CACNA2D1: variants seen among roughly 807,000 people sequenced by gnomAD.
The protein encoded by CACNA2D1 is voltage-dependent calcium channel subunit alpha-2/delta-1.
Under a neutral mutation model 171.5 loss-of-function variants are expected in CACNA2D1, and 53 were observed. The observed-to-expected ratio is 0.31, with a 90% CI of 0.25 to 0.39. The LOEUF is 0.39. Among genes scored for constraint, CACNA2D1 ranks in the 10% least tolerant of loss-of-function variants. The pLI is 1.00. For synonymous variants in CACNA2D1, 442 were observed against 443.1 expected (o/e 1.00, Z 0.03); for missense variants, 903 against 1,299.8 (o/e 0.69, Z 4.69).
intron 6 of CACNA2D1, among the ~76,000 whole-genome samples, chr7:82,098,996 T>G (rs1029691457): frequency 2.6e-5 from 4 of 152,222 alleles, no homozygotes; most frequent in African/African-American, 9.6e-5. Context: ...TTTAAACCAG[T>G]AGTTACTCTG....
intron 3 of CACNA2D1, among the ~76,000 whole-genome samples, chr7:82,290,699 C>A (rs897686351): frequency 4.0e-5 from 6 of 151,320 alleles, no homozygotes; most frequent in Non-Finnish European, 8.8e-5. Context: ...TAGGTTTAAG[C>A]GATGCTCATG....
chr7:81,962,413 A>C lies in CACNA2D1; in HGVS notation c.2836+27T>G, dbSNP rs1487435322. The C allele has an allele frequency of 2.6e-6, 4 of 1,554,498 alleles. No homozygotes were observed. The Admixed American group carries it at 5.1e-5, about 20-fold the overall frequency. ...AAAAGAAAATTTTTATTGTTATGGC[A>C]ATGACAAGGTCTGAGCATTTACATA... On this transcript the variant is annotated intron_variant, in intron 35 of 38. Coordinates refer to ENST00000356860, the MANE Select transcript of CACNA2D1 (RefSeq NM_000722.4).
At chr7:82,223,673 G>GT (rs1456810884) in intron 3 of CACNA2D1, among the ~76,000 whole-genome samples, 4 of 152,124 alleles carry the variant, frequency 2.6e-5, no homozygotes, top group African/African-American at 9.7e-5. Flanking sequence ...CTTTTGTGTT[G>GT]TTTTTTACAT....
intron 2 of CACNA2D1, among the ~76,000 whole-genome samples, chr7:82,336,963 T>C (rs1039091913): frequency 2.0e-4 from 30 of 152,162 alleles, no homozygotes; most frequent in Admixed American, 1.7e-3. Flanking sequence ...AGATGTGCAA[T>C]CTATACTTCA....
At chr7:82,323,530 G>C (rs1225942930) in intron 3 of CACNA2D1, among the ~76,000 whole-genome samples, 3 of 152,136 alleles carry the variant, frequency 2.0e-5, no homozygotes, top group African/African-American at 7.2e-5. Flanking sequence ...GACTGACTCA[G>C]TGAGGACTCC....
At chr7:82,051,289 C>T (rs867657647) in intron 10 of CACNA2D1, among the ~76,000 whole-genome samples, 1 of 152,146 alleles carries the variant, frequency 6.6e-6, no homozygotes, top group Non-Finnish European at 1.5e-5. Flanking sequence ...GGCTCACCTT[C>T]CTTTCCAGCC....
At chr7:82,036,292 A>G (rs1005598106) in intron 11 of CACNA2D1, among the ~76,000 whole-genome samples, 5 of 152,138 alleles carry the variant, frequency 3.3e-5, no homozygotes, top group African/African-American at 1.2e-4. Context: ...CTTTGCCCCT[A>G]AACACTTCCT....
chr7:82,382,558 G>A lies in CACNA2D1; in HGVS notation c.96-32909C>T, dbSNP rs563095811. ...ATTCACAGAGACTATTCAGAGAACT[G>A]CTAGGGGAGGGGAGTGGGCAGTGGG... On this transcript the variant is annotated intron_variant, in intron 1 of 38. Coordinates refer to ENST00000356860, the MANE Select transcript of CACNA2D1 (RefSeq NM_000722.4). Among the ~76,000 whole-genome samples the A allele has an allele frequency of 2.0e-5, 3 of 152,210 alleles. No homozygotes were observed. In the East Asian group the frequency reaches 5.8e-4, roughly 29 times the overall value.
At chr7:82,281,532 C>T (rs1206564226) in intron 3 of CACNA2D1, among the ~76,000 whole-genome samples, 1 of 152,156 alleles carries the variant, frequency 6.6e-6, no homozygotes, top group African/African-American at 2.4e-5. Flanking sequence ...TATGGAGTTT[C>T]ACATAGATTA....
chr7:82,316,648 C>G (rs968164710), intron 3 of CACNA2D1, among the ~76,000 whole-genome samples: 1 of 152,132 alleles, frequency 6.6e-6, no homozygotes, highest in African/African-American at 2.4e-5. Flanking sequence ...TCTCATGCTC[C>G]TAATAAAGAC....
intron 3 of CACNA2D1, among the ~76,000 whole-genome samples, chr7:82,192,722 A>C (rs1798464253): frequency 6.6e-6 from 1 of 151,084 alleles, no homozygotes; most frequent in Non-Finnish European, 1.5e-5. Context: ...GTAGATTTTC[A>C]AATGCTATTA....
intron 7 of CACNA2D1, among the ~76,000 whole-genome samples, chr7:82,068,348 A>G (rs1807908626): frequency 6.6e-6 from 1 of 152,134 alleles, no homozygotes; most frequent in Admixed American, 6.6e-5. Flanking sequence ...TCAGTGTGGC[A>G]TAACAGTGAC....
chr7:82,169,452 T>G (rs1430330513), intron 4 of CACNA2D1, among the ~76,000 whole-genome samples: 1 of 152,046 alleles, frequency 6.6e-6, no homozygotes, highest in Non-Finnish European at 1.5e-5. Context: ...GTTTAAAATA[T>G]ATAAATAAGT....
chr7:82,426,948 T>C (rs1486794286), intron 1 of CACNA2D1, among the ~76,000 whole-genome samples: 1 of 152,234 alleles, frequency 6.6e-6, no homozygotes, highest in Non-Finnish European at 1.5e-5. Flanking sequence ...TGTATTGTTA[T>C]AACTGTTCCA....
At chr7:82,288,861 A>G (rs1369828153) in intron 3 of CACNA2D1, among the ~76,000 whole-genome samples, 1 of 152,182 alleles carries the variant, frequency 6.6e-6, no homozygotes, top group Non-Finnish European at 1.5e-5. Context: ...TGCAACTGAG[A>G]ATGATGTCCA....
chr7:82,024,236 T>C (rs1001748796), intron 12 of CACNA2D1, among the ~76,000 whole-genome samples: 2 of 151,642 alleles, frequency 1.3e-5, no homozygotes, highest in African/African-American at 4.8e-5. Context: ...CATATTATTT[T>C]CCGTGGGTGC....
In CACNA2D1 at chr7:81,950,376, T is replaced by C. The variant is rs1488186923; in HGVS notation, c.*16A>G. The C allele has an allele frequency of 6.2e-7, 1 of 1,613,028 alleles. No individual in the cohort carries two copies. The highest frequency in any genetic ancestry group is 1.7e-5 in the Admixed American group (1 of 59,854). The stretch of plus-strand genomic sequence containing the variant: ...AGGGTCTGGAGTTTAACTATGCAGA[T>C]TTGGTTTTTAGAAGGTCATAACAGG... On this transcript the variant is annotated 3_prime_UTR_variant, in exon 39 of 39. Coordinates refer to ENST00000356860, the MANE Select transcript of CACNA2D1 (RefSeq NM_000722.4).
intron 5 of CACNA2D1, among the ~76,000 whole-genome samples, chr7:82,124,603 A>G (rs1234002389): frequency 2.0e-5 from 3 of 152,190 alleles, no homozygotes; most frequent in Non-Finnish European, 2.9e-5. Context: ...AGTAAGCAAC[A>G]TGAAACCTCT....
intron 6 of CACNA2D1, among the ~76,000 whole-genome samples, chr7:82,095,389 T>C (rs1219997380): frequency 6.6e-6 from 1 of 152,156 alleles, no homozygotes; most frequent in African/African-American, 2.4e-5. Flanking sequence ...GTGCCTTCTA[T>C]TATACTGGGT....
Sources: allele counts gnomAD v4.1 joint callset (sites outside exome capture counted in the v4.1 genomes callset), GRCh38; gene constraint gnomAD v4.1.1; transcripts MANE v1.5; gene names NCBI Gene and HGNC (gene_info 2026-07-23, HGNC 2026-07-21).